The following NAALADL2 variants were observed in gnomAD, a reference collection of about 807,000 sequenced individuals.
NAALADL2 encodes the protein inactive N-acetylated-alpha-linked acidic dipeptidase-like protein 2.
NAALADL2 carries 76 observed loss-of-function variants against 87.2 expected under a neutral mutation model. The observed-to-expected ratio is 0.87, with a 90% CI of 0.72 to 1.05. NAALADL2 has a LOEUF of 1.05. Among genes scored for constraint, NAALADL2 ranks in the 50% least tolerant of loss-of-function variants. NAALADL2 has a pLI of 0.00. For synonymous variants in NAALADL2, 354 were observed against 331.0 expected, an observed-to-expected ratio of 1.07 and a Z score of -0.75; for missense variants, 1,089 against 945.8, an observed-to-expected ratio of 1.15 and a Z score of -1.99.
At chr3:174,952,168 C>G (rs1740465637) in intron 1 of NAALADL2, among the ~76,000 whole-genome samples, 1 of 152,142 alleles carries the variant, frequency 6.6e-6, no homozygotes, top group Non-Finnish European at 1.5e-5. Flanking sequence ...CTATGGTAAT[C>G]TGTTCATCTT....
At chr3:175,638,523 G>A (rs1248721488) in intron 11 of NAALADL2, among the ~76,000 whole-genome samples, 1 of 152,134 alleles carries the variant, frequency 6.6e-6, no homozygotes, top group African/African-American at 2.4e-5. Context: ...CAGAAAATAT[G>A]GTCACAGTGC....
chr3:175,050,386 C>T (rs572230539), intron 1 of NAALADL2, among the ~76,000 whole-genome samples: 10 of 152,242 alleles, frequency 6.6e-5, no homozygotes, highest in East Asian at 5.8e-4. Context: ...CTCAGCCTCC[C>T]GAGTAGCTGG....
chr3:174,578,074 T>A (rs1286450035), intron 2 of NAALADL2, among the ~76,000 whole-genome samples: 1 of 151,988 alleles, frequency 6.6e-6, no homozygotes, highest in Non-Finnish European at 1.5e-5. Flanking sequence ...TAGGAATTAT[T>A]CAATTTGAAG....
intron 9 of NAALADL2, among the ~76,000 whole-genome samples, chr3:175,508,098 G>A (rs1427014109): frequency 6.6e-6 from 1 of 152,162 alleles, no homozygotes; most frequent in African/African-American, 2.4e-5. Context: ...GATAGAGAGT[G>A]GGGCAGAGGT....
intron 1 of NAALADL2, among the ~76,000 whole-genome samples, chr3:174,887,038 T>G (rs1730245215): frequency 6.6e-6 from 1 of 152,326 alleles, no homozygotes; most frequent in African/African-American, 2.4e-5. Context: ...CTCTCTTCAA[T>G]TAGTACCAAA....
chr3:174,777,173 T>A (rs1387785596), intron 3 of NAALADL2, among the ~76,000 whole-genome samples: 1 of 152,102 alleles, frequency 6.6e-6, no homozygotes. Flanking sequence ...TCACCTTGTA[T>A]GGAATTCCTC....
chr3:175,671,805 AAAT>A (rs1253246318), intron 11 of NAALADL2, among the ~76,000 whole-genome samples: 1 of 152,054 alleles, frequency 6.6e-6, no homozygotes, highest in Non-Finnish European at 1.5e-5. Flanking sequence ...TCCATAATGG[AAAT>A]AATGTTACTA....
At chr3:174,568,626 T>C (rs1434366076) in intron 2 of NAALADL2, among the ~76,000 whole-genome samples, 1 of 151,810 alleles carries the variant, frequency 6.6e-6, no homozygotes, top group African/African-American at 2.4e-5. Context: ...GTATCTTTTT[T>C]TGTGATTTTA....
intron 1 of NAALADL2, among the ~76,000 whole-genome samples, chr3:175,083,790 G>C (rs964128606): frequency 3.3e-5 from 5 of 152,118 alleles, no homozygotes; most frequent in African/African-American, 1.2e-4. Flanking sequence ...CAAACTTGTT[G>C]CTGGTAAAAT....
chr3:174,676,910 C>G (rs942693933), intron 2 of NAALADL2, among the ~76,000 whole-genome samples: 1 of 151,786 alleles, frequency 6.6e-6, no homozygotes, highest in Non-Finnish European at 1.5e-5. Flanking sequence ...ATAATTATAT[C>G]ATTGCTGTTA....
At chr3:175,603,788 C>T (rs948844148) in intron 10 of NAALADL2, among the ~76,000 whole-genome samples, 14 of 151,822 alleles carry the variant, frequency 9.2e-5, no homozygotes, top group African/African-American at 2.9e-4. Flanking sequence ...TATAAAAATA[C>T]CTCTTAAAGC....
intron 13 of NAALADL2, among the ~76,000 whole-genome samples, chr3:175,770,882 T>C (rs1749395035): frequency 1.3e-5 from 2 of 152,224 alleles, no homozygotes; most frequent in Non-Finnish European, 2.9e-5. Flanking sequence ...GTACATTTCC[T>C]GTGTTTCCAA....
At chr3:175,682,067 T>C (rs1735672652) in intron 11 of NAALADL2, among the ~76,000 whole-genome samples, 1 of 151,846 alleles carries the variant, frequency 6.6e-6, no homozygotes, top group Non-Finnish European at 1.5e-5. Flanking sequence ...CAGTTCAGAG[T>C]TGTGTGTCAC....
chr3:175,192,071 G>T (rs1400706842), intron 2 of NAALADL2, among the ~76,000 whole-genome samples: 1 of 152,036 alleles, frequency 6.6e-6, no homozygotes, highest in Non-Finnish European at 1.5e-5. Flanking sequence ...CTTATTTGAG[G>T]TGTGCATGTT....
At chr3:174,677,849 G>A (rs951117434) in intron 2 of NAALADL2, among the ~76,000 whole-genome samples, 2 of 151,436 alleles carry the variant, frequency 1.3e-5, no homozygotes, top group African/African-American at 4.9e-5. Flanking sequence ...CTATGCTTGG[G>A]GGCAATTTTA....
At chr3:175,055,983 T>A (rs73176723) in intron 1 of NAALADL2, among the ~76,000 whole-genome samples, 2 of 151,956 alleles carry the variant, frequency 1.3e-5, no homozygotes, top group Non-Finnish European at 1.5e-5. Context: ...ATCTGGGCGG[T>A]GTATTCTAAC....
At chr3:174,542,153 G>A (rs973988457) in intron 1 of NAALADL2, among the ~76,000 whole-genome samples, 1 of 152,176 alleles carries the variant, frequency 6.6e-6, no homozygotes, top group African/African-American at 2.4e-5. Context: ...GTCTTATGCT[G>A]ATACACATCA....
At chr3:174,879,280 G>T (rs1178015655) in intron 1 of NAALADL2, among the ~76,000 whole-genome samples, 1 of 152,090 alleles carries the variant, frequency 6.6e-6, no homozygotes, top group African/African-American at 2.4e-5. Flanking sequence ...AGATGAAGAA[G>T]AAGCCTAATT....
At chr3:175,768,103 G>A (rs909976966) in intron 13 of NAALADL2, among the ~76,000 whole-genome samples, 1 of 151,954 alleles carries the variant, frequency 6.6e-6, no homozygotes, top group African/African-American at 2.4e-5. Flanking sequence ...GGGTTTTGTC[G>A]GCCCACACCG....
Sources: allele counts gnomAD v4.1 joint callset (sites outside exome capture counted in the v4.1 genomes callset), GRCh38; gene constraint gnomAD v4.1.1; transcripts MANE v1.5; gene names NCBI Gene and HGNC (gene_info 2026-07-23, HGNC 2026-07-21).